The following FAAH2 variants were observed in gnomAD, a reference collection of about 807,000 sequenced individuals.
FAAH2 encodes fatty acid amide hydrolase 2.
Under a neutral mutation model 36.9 loss-of-function variants are expected in FAAH2, and 60 were observed. The observed-to-expected ratio is 1.63, with a 90% CI of 1.32 to 2.02. The LOEUF is 2.02. FAAH2 is among the 30% of genes most tolerant of loss of function. The pLI, the probability that FAAH2 is intolerant of heterozygous loss-of-function variation, is 0.00. For missense variants in FAAH2, 689 were observed against 397.5 expected, an observed-to-expected ratio of 1.73 and a Z score of -6.23; for synonymous variants, 214 against 143.8, an observed-to-expected ratio of 1.49 and a Z score of -3.49.
chrX:57,189,300 A>G, the FAAH2 span, among the ~76,000 whole-genome samples: 5 of 109,811 alleles, frequency 4.6e-5, no homozygotes, highest in African/African-American at 1.7e-4. Context: ...CCTTTTGTCA[A>G]GGTTCTTGGC....
intron 2 of FAAH2, among the ~76,000 whole-genome samples, chrX:57,299,150 A>C (rs1440234158): frequency 1.8e-5 from 2 of 111,403 alleles, no homozygotes; most frequent in Non-Finnish European, 3.8e-5. Context: ...AGACACAACA[A>C]AAAAAAGAGA....
chrX:57,231,895 C>T, the FAAH2 span, among the ~76,000 whole-genome samples: 1 of 111,454 alleles, frequency 9.0e-6, no homozygotes, highest in Non-Finnish European at 1.9e-5. Context: ...CCCTGGGATC[C>T]CACCAAGCAT....
intron 5 of FAAH2, among the ~76,000 whole-genome samples, chrX:57,349,182 C>T (rs867189252): frequency 6.3e-5 from 5 of 78,968 alleles, no homozygotes; most frequent in South Asian, 1.2e-3. Context: ...TATATGTATA[C>T]ATATATGTAT....
At chrX:57,153,269 G>A in the FAAH2 span, among the ~76,000 whole-genome samples, 3 of 111,588 alleles carry the variant, frequency 2.7e-5, no homozygotes, top group Non-Finnish European at 3.8e-5. Context: ...TATGTGTTAG[G>A]TGAGTCTCTT....
intron 5 of FAAH2, among the ~76,000 whole-genome samples, chrX:57,349,223 GTATGTATGTATA>G (rs1476309495): frequency 6.1e-5 from 5 of 81,659 alleles, no homozygotes; most frequent in Non-Finnish European, 1.2e-4. Context: ...ATATATATGT[GTATGTATGTATA>G]TATGTATGTA....
upstream of FAAH2, among the ~76,000 whole-genome samples, chrX:57,282,054 G>A (rs1245753547): frequency 4.5e-5 from 5 of 111,849 alleles, no homozygotes; most frequent in East Asian, 2.8e-4. Flanking sequence ...TTTTGTGGTC[G>A]AACAATTTAT....
chrX:57,312,809 C>T (rs1345847341), intron 3 of FAAH2, among the ~76,000 whole-genome samples: 1 of 111,871 alleles, frequency 8.9e-6, no homozygotes, highest in Non-Finnish European at 1.9e-5. Context: ...TGCAAGAACT[C>T]TGGAAATCCA....
the FAAH2 span, among the ~76,000 whole-genome samples, chrX:57,177,469 T>TA: frequency 2.0e-4 from 20 of 101,751 alleles, no homozygotes; most frequent in South Asian, 4.4e-4. Flanking sequence ...ATAATAATAA[T>TA]ATATATATAA....
At chrX:57,193,932 T>G in the FAAH2 span, among the ~76,000 whole-genome samples, 1 of 111,824 alleles carries the variant, frequency 8.9e-6, no homozygotes, top group Non-Finnish European at 1.9e-5. Flanking sequence ...AGTATTTTGT[T>G]GCAGTTTTTT....
the FAAH2 span, among the ~76,000 whole-genome samples, chrX:57,149,331 G>C: frequency 1.8e-5 from 2 of 111,694 alleles, no homozygotes; most frequent in African/African-American, 6.5e-5. Flanking sequence ...CAGAAGGAAT[G>C]GTACCAGCTC....
chrX:57,460,642 C>T (rs1194552136), intron 10 of FAAH2, among the ~76,000 whole-genome samples: 2 of 111,810 alleles, frequency 1.8e-5, no homozygotes, highest in Non-Finnish European at 3.8e-5. Flanking sequence ...ACAAGAGATC[C>T]TGAAGAAATC....
At chrX:57,311,039 G>A (rs2052677685) in intron 3 of FAAH2, among the ~76,000 whole-genome samples, 1 of 111,961 alleles carries the variant, frequency 8.9e-6, no homozygotes, top group African/African-American at 3.2e-5. Flanking sequence ...CCCTAAAGTA[G>A]TTAGGCTAAA....
rs1288279465 is a variant in FAAH2 at position 57,478,454 on chromosome X, A to T, written c.1424-10303A>T. Among the ~76,000 whole-genome samples the T allele has an allele frequency of 5.4e-5, 6 of 111,338 alleles. No homozygotes were observed. The East Asian group carries it at 1.7e-3, about 32-fold the overall frequency. ...TTTTGTAGGTTGCCTGTTCACTCTGATTGCAGTTTCTTTTGCTAAAGAAGC... is the reference window on the plus strand; with the variant it reads ...TTTTGTAGGTTGCCTGTTCACTCTGTTTGCAGTTTCTTTTGCTAAAGAAGC... On this transcript the variant is annotated intron_variant, in intron 10 of 10. Transcript: ENST00000374900.
chrX:57,415,203 G>T (rs1358760020), intron 7 of FAAH2, among the ~76,000 whole-genome samples: 1 of 108,562 alleles, frequency 9.2e-6, no homozygotes, highest in East Asian at 2.9e-4. Context: ...TTGATTTTTC[G>T]ACGAGTTTTC....
chrX:57,462,276 G>A (rs1402098164), intron 10 of FAAH2, among the ~76,000 whole-genome samples: 1 of 109,215 alleles, frequency 9.2e-6, no homozygotes, highest in Admixed American at 9.9e-5. Flanking sequence ...CCGAAGAATA[G>A]AAGAAGAGGG....
intron 8 of FAAH2, among the ~76,000 whole-genome samples, chrX:57,438,082 C>T (rs1286355896): frequency 1.9e-5 from 2 of 103,240 alleles, no homozygotes; most frequent in East Asian, 3.1e-4. Context: ...CATACATACA[C>T]GTGTATATAT....
chrX:57,216,713 T>G, the FAAH2 span, among the ~76,000 whole-genome samples: 4 of 97,084 alleles, frequency 4.1e-5, no homozygotes, highest in Middle Eastern at 5.0e-3. Context: ...TTGCAATTGT[T>G]AATTGTGCCG....
chrX:57,320,390 T>C (rs1365650447), intron 3 of FAAH2, among the ~76,000 whole-genome samples: 1 of 112,158 alleles, frequency 8.9e-6, no homozygotes, highest in Non-Finnish European at 1.9e-5. Flanking sequence ...AAAGAAGACA[T>C]TTATGTGGCC....
chrX:57,352,063 T>C lies in FAAH2; in HGVS notation c.742+10673T>C, dbSNP rs1193200606. Among the ~76,000 whole-genome samples, 7 of 38,147 alleles carry C rather than the reference T, an allele frequency of 1.8e-4. 1 individual carries two copies. The East Asian group carries it at 2.5e-3, about 14-fold the overall frequency. The allele number at this position is 38,147 out of a possible 115,157, so 33.1% of individuals were successfully genotyped here. ...ATATATATATGTGTATATATATATA[T>C]ATACACATATATATATGTGTATATA... On this transcript the variant is annotated intron_variant, in intron 5 of 10. Coordinates refer to ENST00000374900, the MANE Select transcript of FAAH2 (RefSeq NM_174912.4).
Sources: allele counts gnomAD v4.1 joint callset (sites outside exome capture counted in the v4.1 genomes callset), GRCh38; gene constraint gnomAD v4.1.1; transcripts MANE v1.5; gene names NCBI Gene and HGNC (gene_info 2026-07-23, HGNC 2026-07-21).